TTC28: variants seen among roughly 807,000 people sequenced by gnomAD.
TTC28 encodes tetratricopeptide repeat domain 28, also known as tetratricopeptide repeat protein 28.
A neutral mutation model predicts 198.0 loss-of-function variants in TTC28; 61 were observed. The observed-to-expected ratio is 0.31, with a 90% confidence interval of 0.25 to 0.38. The LOEUF (loss-of-function observed/expected upper bound fraction) is 0.38, where lower values mean the gene tolerates loss of function less well. Among genes scored for constraint, TTC28 ranks in the 10% least tolerant of loss-of-function variants. TTC28 has a pLI of 1.00. For synonymous variants in TTC28, 1,171 were observed against 1,297.8 expected (o/e 0.90, Z 2.10); for missense variants, 2,678 against 3,164.0 (o/e 0.85, Z 3.69).
chr22:28,105,951 T>TA (rs1942286099), intron 7 of TTC28, 149 bp from the exon 8 acceptor site: 1 of 1,023,674 alleles, frequency 9.8e-7, no homozygotes, highest in Non-Finnish European at 1.4e-6. Context: ...CATGTGCCCT[T>TA]AGAGTGAGAT....
rs534231657 is a variant in TTC28 at position 28,178,197 on chromosome 22, G to A, written c.934-14598C>T. On this transcript the variant is annotated intron_variant, in intron 5 of 22. Transcript: ENST00000397906. ...GGGCCGGGCACGGTGGCACATGCCT[G>A]TAATCCCAGCACTTTGGGAGGCCGT... is the stretch of plus-strand genomic sequence containing the variant. Among the ~76,000 whole-genome samples the A allele has an allele frequency of 2.6e-5, 4 of 151,884 alleles. No homozygotes were observed. The South Asian group carries it at 8.3e-4, about 32-fold the overall frequency.
At chr22:28,298,854 G>A (rs1054037040) in intron 3 of TTC28, among the ~76,000 whole-genome samples, 1 of 152,128 alleles carries the variant, frequency 6.6e-6, no homozygotes, top group Non-Finnish European at 1.5e-5. Flanking sequence ...ATTCTCACTG[G>A]TAACCCAGTA....
chr22:28,578,092 A>G (rs2050178727), intron 2 of TTC28, among the ~76,000 whole-genome samples: 2 of 151,934 alleles, frequency 1.3e-5, no homozygotes, highest in African/African-American at 2.4e-5. Context: ...CTCAGGTGAT[A>G]CTTTTTAACT....
intron 2 of TTC28, among the ~76,000 whole-genome samples, chr22:28,376,188 A>G (rs2046406563): frequency 6.6e-6 from 1 of 152,150 alleles, no homozygotes; most frequent in Non-Finnish European, 1.5e-5. Context: ...CTCCCTGGAG[A>G]ACCCTAATAT....
At chr22:28,470,486 A>G (rs1268955848) in intron 2 of TTC28, among the ~76,000 whole-genome samples, 1 of 152,186 alleles carries the variant, frequency 6.6e-6, no homozygotes, top group Admixed American at 6.5e-5. Flanking sequence ...GTCTCCAAAA[A>G]AAAATGCATC....
intron 2 of TTC28, among the ~76,000 whole-genome samples, chr22:28,578,602 G>C (rs1232987961): frequency 6.6e-6 from 1 of 152,086 alleles, no homozygotes; most frequent in Non-Finnish European, 1.5e-5. Context: ...CAGATGGGCA[G>C]TCCAGTATCT....
In TTC28 at chr22:28,105,511, C is replaced by G. The variant is rs1290620362; in HGVS notation, c.3075G>C (p.Gln1025His). The G allele has an allele frequency of 6.4e-7, 1 of 1,551,706 alleles. No homozygotes were observed. Among genetic ancestry groups the G allele is most frequent in the Admixed American group, 2.0e-5 (1 of 51,002 alleles). The change falls in exon 8 of 23, where the codon CAG (glutamine) becomes CAC (histidine). Residue 1025 changes from glutamine to histidine, a missense_variant. Coordinates refer to ENST00000397906, the MANE Select transcript of TTC28 (RefSeq NM_001145418.2). Reference sequence around the variant, plus strand: ...TGGGGTTGTTGGTTTCCTCTGCTATCTGTAGATCAAGCTGGTGGTACTGCA... The same window carrying G: ...TGGGGTTGTTGGTTTCCTCTGCTATGTGTAGATCAAGCTGGTGGTACTGCA... ...TALQYHQLDL[Q>H]IAEETNNPTC...
At chr22:28,198,213 T>C (rs1248179523) in intron 5 of TTC28, among the ~76,000 whole-genome samples, 2 of 152,148 alleles carry the variant, frequency 1.3e-5, no homozygotes, top group East Asian at 3.9e-4. Flanking sequence ...GAGGCTATTC[T>C]GCGCCTTCTA....
intron 2 of TTC28, among the ~76,000 whole-genome samples, chr22:28,378,397 A>G (rs928895499): frequency 1.7e-4 from 26 of 151,636 alleles, no homozygotes; most frequent in African/African-American, 4.8e-4. Context: ...ACAGTGGCTC[A>G]TGCCTGTAAT....
chr22:28,504,464 CTATATA>C (rs908454787), intron 2 of TTC28, among the ~76,000 whole-genome samples: 10 of 151,342 alleles, frequency 6.6e-5, no homozygotes, highest in Non-Finnish European at 1.3e-4. Context: ...ACACACACAC[CTATATA>C]TATATAAAAT....
chr22:28,297,544 C>A, intron 4 of TTC28, 36 bp downstream of exon 4: 1 of 1,532,044 alleles, frequency 6.5e-7, no homozygotes, highest in Admixed American at 2.0e-5. Flanking sequence ...TTTCTTTGTT[C>A]CCTTTCTGCA....
intron 21 of TTC28, among the ~76,000 whole-genome samples, chr22:27,986,880 G>T (rs1036762883): frequency 1.3e-5 from 2 of 152,176 alleles, no homozygotes; most frequent in African/African-American, 4.8e-5. Flanking sequence ...CATAATCAGA[G>T]AACTCAGCAT....
At chr22:28,394,547 A>G (rs1310212353) in intron 2 of TTC28, among the ~76,000 whole-genome samples, 1 of 152,200 alleles carries the variant, frequency 6.6e-6, no homozygotes, top group African/African-American at 2.4e-5. Flanking sequence ...CTGCTAATAC[A>G]AGATTCAATT....
In TTC28 at chr22:28,264,036, A is replaced by G. The variant is rs73882719; in HGVS notation, c.933+32162T>C. On this transcript the variant is annotated intron_variant, in intron 5 of 22. Coordinates refer to ENST00000397906, the MANE Select transcript of TTC28 (RefSeq NM_001145418.2). The stretch of plus-strand genomic sequence containing the variant: ...CGGGGAGTGGGGAGGCAGAAAGACC[A>G]ATTCAGAGGTTATTGCTTTGGCCAT... 8.8e-3 allele frequency among the ~76,000 whole-genome samples: 1,346 copies of G among 152,184 alleles called. 16 individuals are homozygous for G. Among genetic ancestry groups the G allele is most frequent in the African/African-American group, 0.031 (1,274 of 41,534 alleles).
At chr22:27,985,186 G>A in intron 22 of TTC28, 63 bp downstream of exon 22, 1 of 1,227,680 alleles carries the variant, frequency 8.1e-7, no homozygotes. Context: ...ATGTGCTGGT[G>A]TCGGCCCCCA....
At position 27,979,743 on chromosome 22, in the gene TTC28, G is replaced by A. The variant is rs1936954519; in HGVS notation, c.*2478C>T. 1 of 152,140 alleles carries A rather than the reference G, an allele frequency of 6.6e-6. No homozygotes were observed. The highest frequency in any genetic ancestry group is 1.5e-5 in the Non-Finnish European group (1 of 68,026). The allele number at this position is 152,140 out of a possible 1,614,324, so 9.4% of individuals were successfully genotyped here. On this transcript the variant is annotated 3_prime_UTR_variant, in exon 23 of 23. Transcript: ENST00000397906. ...CAGTGTAGCCTGAAACATTCACTGT[G>A]ATTTTATGATTTTACATCCATTTTA... is the stretch of plus-strand genomic sequence containing the variant.
At chr22:28,313,224 C>T (rs539099568) in intron 2 of TTC28, among the ~76,000 whole-genome samples, 1 of 152,256 alleles carries the variant, frequency 6.6e-6, no homozygotes, top group African/African-American at 2.4e-5. Context: ...TAACTAATAG[C>T]CTACCAAACA....
At chr22:28,463,823 A>C (rs2047982813) in intron 2 of TTC28, among the ~76,000 whole-genome samples, 1 of 152,138 alleles carries the variant, frequency 6.6e-6, no homozygotes, top group Non-Finnish European at 1.5e-5. Flanking sequence ...TGACAAGTTA[A>C]TGGGTGCAGC....
At chr22:28,169,899 T>C (rs1222912109) in intron 5 of TTC28, among the ~76,000 whole-genome samples, 1 of 151,898 alleles carries the variant, frequency 6.6e-6, no homozygotes, top group East Asian at 1.9e-4. Context: ...AAGCACATCA[T>C]ACTCTTAAAA....
Sources: allele counts gnomAD v4.1 joint callset (sites outside exome capture counted in the v4.1 genomes callset), GRCh38; gene constraint gnomAD v4.1.1; transcripts MANE v1.5; gene names NCBI Gene and HGNC (gene_info 2026-07-23, HGNC 2026-07-21).